Variants in STXBP4 observed in about 807,000 individuals in gnomAD.
STXBP4 encodes syntaxin-binding protein 4.
STXBP4 carries 55 observed loss-of-function variants against 76.1 expected under a neutral mutation model. The ratio of observed to expected loss-of-function variants is 0.72; its 90% confidence interval spans 0.58 to 0.91. The LOEUF (loss-of-function observed/expected upper bound fraction) is 0.91. Ranked by LOEUF, STXBP4 falls within the 40% of genes least tolerant of loss-of-function variation. The pLI, the probability that STXBP4 is intolerant of heterozygous loss-of-function variation, is 0.00. For missense variants in STXBP4, 618 were observed against 636.9 expected (o/e 0.97, Z 0.32); for synonymous variants, 201 against 220.2 (o/e 0.91, Z 0.77).
intron 3 of STXBP4, among the ~76,000 whole-genome samples, chr17:54,989,544 C>T (rs1034755998): frequency 2.1e-4 from 32 of 152,080 alleles, no homozygotes; most frequent in Non-Finnish European, 2.9e-4. Flanking sequence ...TGGGCTCACA[C>T]TTGGGCCATC....
At chr17:55,056,023 G>C (rs1304444728) in intron 12 of STXBP4, among the ~76,000 whole-genome samples, 2 of 152,088 alleles carry the variant, frequency 1.3e-5, no homozygotes, top group African/African-American at 4.8e-5. Context: ...ATACTTTAAG[G>C]TTAAACTGAC....
At chr17:55,046,318 A>T (rs1271799963) in intron 11 of STXBP4, among the ~76,000 whole-genome samples, 2 of 151,952 alleles carry the variant, frequency 1.3e-5, no homozygotes, top group African/African-American at 4.8e-5. Context: ...CACCTCTTAG[A>T]CAAGAATAAG....
chr17:54,987,043 C>A (rs1331025178), intron 3 of STXBP4, among the ~76,000 whole-genome samples: 1 of 152,138 alleles, frequency 6.6e-6, no homozygotes, highest in Admixed American at 6.5e-5. Flanking sequence ...TTGCTGGTAT[C>A]CCATGGGCCA....
rs116388368 is a variant in STXBP4, at chr17:55,138,050, T to C, written c.1490-3260T>C. ...CACGTTTTGCCTATTTTGTTATTTG[T>C]TATTAATCTTATTATCGATTTGTAG... On this transcript the variant is annotated intron_variant, in intron 16 of 17. Coordinates refer to ENST00000376352, the MANE Select transcript of STXBP4 (RefSeq NM_178509.6). Among the ~76,000 whole-genome samples the C allele has an allele frequency of 7.1e-3, 1,075 of 152,260 alleles. 15 individuals carry two copies. Among genetic ancestry groups the C allele is most frequent in the African/African-American group, 0.024 (1,017 of 41,566 alleles).
the STXBP4 span, among the ~76,000 whole-genome samples, chr17:55,179,891 G>A: frequency 1.3e-5 from 2 of 152,116 alleles, no homozygotes; most frequent in Non-Finnish European, 2.9e-5. Context: ...GCAGTGTGGC[G>A]AGATTGGCAC....
intron 11 of STXBP4, 124 bp downstream of exon 11, chr17:55,043,449 A>G: frequency 2.7e-6 from 2 of 746,782 alleles, no homozygotes; most frequent in Non-Finnish European, 2.0e-6. Flanking sequence ...TTAATATCAA[A>G]TAGTAAAAAT....
chr17:55,192,084 T>C, the STXBP4 span, among the ~76,000 whole-genome samples: 1 of 152,202 alleles, frequency 6.6e-6, no homozygotes, highest in African/African-American at 2.4e-5. Flanking sequence ...TTGTGAATTA[T>C]GTAATTTAAT....
intron 15 of STXBP4, 112 bp downstream of exon 15, chr17:55,078,847 A>ATGG (rs570691402): frequency 0.013 from 8,346 of 663,952 alleles, 97 homozygotes; most frequent in South Asian, 0.033. Context: ...GTGCTACATA[A>ATGG]CTCCCATTGG....
At chr17:55,194,346 G>A in the STXBP4 span, among the ~76,000 whole-genome samples, 2 of 152,024 alleles carry the variant, frequency 1.3e-5, no homozygotes, top group African/African-American at 4.8e-5. Context: ...GTGTGTGTAT[G>A]TGTTGTGTAT....
intron 1 of STXBP4, among the ~76,000 whole-genome samples, chr17:54,976,056 G>A (rs2077469294): frequency 6.6e-6 from 1 of 152,050 alleles, no homozygotes; most frequent in Non-Finnish European, 1.5e-5. Flanking sequence ...AAAGAGCAAT[G>A]ATCTTGACTT....
the STXBP4 span, among the ~76,000 whole-genome samples, chr17:55,196,457 C>T: frequency 5.7e-4 from 87 of 152,356 alleles, no homozygotes; most frequent in South Asian, 7.0e-3. Flanking sequence ...TTCAACCCTA[C>T]ACTGTATCAA....
chr17:55,204,173 TC>T, the STXBP4 span, among the ~76,000 whole-genome samples: 2 of 152,058 alleles, frequency 1.3e-5, no homozygotes, highest in Admixed American at 1.3e-4. Context: ...TTCTGACCTA[TC>T]TTCCAGTTCA....
At chr17:55,066,817 C>T (rs559895037) in intron 12 of STXBP4, among the ~76,000 whole-genome samples, 9 of 152,062 alleles carry the variant, frequency 5.9e-5, no homozygotes, top group African/African-American at 1.4e-4. Flanking sequence ...ACCTGGGAGG[C>T]GGAGGTTGCG....
intron 8 of STXBP4, among the ~76,000 whole-genome samples, chr17:55,026,617 G>A (rs2078420236): frequency 6.6e-6 from 1 of 152,166 alleles, no homozygotes; most frequent in Non-Finnish European, 1.5e-5. Context: ...CACAGGGGAA[G>A]GCATTAACCC....
intron 16 of STXBP4, among the ~76,000 whole-genome samples, chr17:55,085,523 A>G (rs1598298295): frequency 6.6e-6 from 1 of 151,814 alleles, no homozygotes; most frequent in South Asian, 2.1e-4. Context: ...CCTACCTGCT[A>G]GTTGTCTTTC....
chr17:55,040,858 G>A (rs1567733284), intron 10 of STXBP4, among the ~76,000 whole-genome samples: 2 of 152,088 alleles, frequency 1.3e-5, no homozygotes, highest in South Asian at 2.1e-4. Flanking sequence ...CATCTGTCTG[G>A]AATTGTTGCT....
At chr17:55,063,160 A>G (rs1226540086) in intron 12 of STXBP4, among the ~76,000 whole-genome samples, 2 of 152,232 alleles carry the variant, frequency 1.3e-5, no homozygotes, top group Non-Finnish European at 2.9e-5. Context: ...GACACCAACC[A>G]TACCTAGTGA....
chr17:55,203,489 G>C, the STXBP4 span, among the ~76,000 whole-genome samples: 4 of 152,090 alleles, frequency 2.6e-5, no homozygotes, highest in Non-Finnish European at 5.9e-5. Flanking sequence ...AGGTGAGTTT[G>C]AAAATTGTTT....
rs758577713 is a variant in STXBP4 at position 54,999,840 on chromosome 17, G to C, written c.496G>C (p.Glu166Gln). Reference protein sequence around the residue: ...KTNNDILSSCEIKTGYNKTVQ... With the variant: ...KTNNDILSSCQIKTGYNKTVQ... ...AAATAATGACATTTTATCTTCTTGT[G>C]AGGTAAGTCAGGTAATCTTAAATTT... Residue 166 changes from glutamate to glutamine, a missense_variant and splice_region_variant, in exon 6 of 18, where the codon GAG (glutamate) becomes CAG (glutamine). Glu to Gln is a conservative substitution (Grantham distance 29, BLOSUM62 2). Coordinates refer to ENST00000376352, the MANE Select transcript of STXBP4 (RefSeq NM_178509.6). 6.2e-7 allele frequency: 1 copy of C among 1,605,416 alleles called. No individual in the cohort carries two copies. Among genetic ancestry groups the C allele is most frequent in the Non-Finnish European group, 8.5e-7 (1 of 1,173,866 alleles).
Sources: gnomAD v4.1 joint callset for allele counts (sites outside exome capture counted in the v4.1 genomes callset) on GRCh38, gnomAD v4.1.1 for gene constraint, MANE v1.5 for transcripts, NCBI Gene and HGNC (gene_info 2026-07-23, HGNC 2026-07-21) for gene names.